CMAS: variants seen among roughly 807,000 people sequenced by gnomAD.
CMAS encodes N-acylneuraminate cytidylyltransferase.
In CMAS, 21 loss-of-function variants were observed where a neutral mutation model predicts 53.4. The observed-to-expected ratio is 0.39, with a 90% CI of 0.28 to 0.57. CMAS has a LOEUF of 0.57. CMAS is among the 20% of genes least tolerant of loss of function. The probability of loss-of-function intolerance (pLI) is 0.56; values close to 1 mark genes in which losing one functional copy is unlikely to be tolerated. For missense variants in CMAS, 384 were observed against 534.9 expected, an observed-to-expected ratio of 0.72 and a Z score of 2.78; for synonymous variants, 189 against 195.2, an observed-to-expected ratio of 0.97 and a Z score of 0.27.
chr12:22,062,259 CCT>C lies in CMAS; in HGVS notation c.961-21_961-20del. 7.3e-7 allele frequency: 1 copy of C among 1,376,204 alleles called. No individual in the cohort carries two copies. Among genetic ancestry groups the C allele is most frequent in the East Asian group, 2.5e-5 (1 of 39,428 alleles). The allele number at this position is 1,376,204 out of a possible 1,614,324, so 85.2% of individuals were successfully genotyped here. On this transcript the variant is annotated intron_variant, in intron 6 of 7. Coordinates refer to ENST00000229329, the MANE Select transcript of CMAS (RefSeq NM_018686.6). ...TTAATTTTTCCCTTCTTCCTCCAAT[CCT>C]TTTTTTTTTTTTTTTTAAGGTGAGG...
chr12:22,061,939 A>G (rs1182101420), intron 6 of CMAS, among the ~76,000 whole-genome samples: 2 of 152,210 alleles, frequency 1.3e-5, no homozygotes, highest in Non-Finnish European at 2.9e-5. Context: ...GAGAGAGGTT[A>G]TAGACTTTCC....
chr12:22,046,615 G>C (rs535362881), intron 1 of CMAS, 52 bp downstream of exon 1: 1 of 1,461,548 alleles, frequency 6.8e-7, no homozygotes, highest in South Asian at 1.4e-5. Context: ...TCGGGAGAGG[G>C]AGTCGGGCTG....
At chr12:22,046,631 G>T in intron 1 of CMAS, 68 bp downstream of exon 1, 1 of 1,420,040 alleles carries the variant, frequency 7.0e-7, no homozygotes, top group Non-Finnish European at 9.2e-7. Flanking sequence ...GGCTGCTGGA[G>T]GGGCTGGGGC....
intron 1 of CMAS, 91 bp downstream of exon 1, chr12:22,046,654 C>A: frequency 7.4e-7 from 1 of 1,352,282 alleles, no homozygotes; most frequent in Non-Finnish European, 9.7e-7. Context: ...CCGGGGCCAC[C>A]GCTCTTGGAA....
intron 1 of CMAS, among the ~76,000 whole-genome samples, chr12:22,049,199 A>G (rs955473229): frequency 3.9e-5 from 6 of 152,186 alleles, no homozygotes; most frequent in Admixed American, 6.5e-5. Flanking sequence ...GGCAAGAGGA[A>G]CATAGTGCTT....
chr12:22,054,076 A>C (rs1474177970), intron 1 of CMAS, among the ~76,000 whole-genome samples: 1 of 151,278 alleles, frequency 6.6e-6, no homozygotes, highest in Non-Finnish European at 1.5e-5. Flanking sequence ...ACAGGTGTGC[A>C]TCACCATGCC....
At position 22,060,868 on chromosome 12, in the gene CMAS, C is replaced by T; in HGVS notation, c.730C>T (p.His244Tyr). 3 of 1,612,100 alleles carry T rather than the reference C, an allele frequency of 1.9e-6. No homozygotes were observed. Among genetic ancestry groups the T allele is most frequent in the Non-Finnish European group, 2.5e-6 (3 of 1,178,506 alleles). The change falls in exon 5 of 8, where the codon CAT (histidine) becomes TAT (tyrosine). Residue 244 changes from histidine (H) to tyrosine (Y), a missense_variant. His to Tyr is a moderately conservative substitution (Grantham distance 83). Transcript: ENST00000229329. ...KMAYYEMRAEHSVDIDVDIDW... is the reference protein window; with the variant it reads ...KMAYYEMRAEYSVDIDVDIDW... ...GGCATACTACGAAATGCGAGCTGAA[C>T]ATAGTGTGGATATAGATGTGGATAT...
chr12:22,047,589 T>C (rs1950214658), intron 1 of CMAS, among the ~76,000 whole-genome samples: 1 of 152,140 alleles, frequency 6.6e-6, no homozygotes, highest in Non-Finnish European at 1.5e-5. Flanking sequence ...ATATACTAAT[T>C]TTCTTAATGT....
At chr12:22,052,164 C>G (rs1462977130) in intron 1 of CMAS, among the ~76,000 whole-genome samples, 1 of 152,160 alleles carries the variant, frequency 6.6e-6, no homozygotes. Flanking sequence ...CTGAAAAGAG[C>G]GTAGTTACTT....
In CMAS at chr12:22,064,774, G is replaced by C. The variant is rs186224654; in HGVS notation, c.1115-347G>C. Among the ~76,000 whole-genome samples the C allele has an allele frequency of 6.1e-3, 932 of 151,998 alleles. 14 individuals carry two copies. Among genetic ancestry groups the C allele is most frequent in the African/African-American group, 0.022 (896 of 41,468 alleles). On this transcript the variant is annotated intron_variant, in intron 7 of 7. Transcript: ENST00000229329. Reference sequence around the variant, plus strand: ...TGATAATTTTTCAATATAAAATTGGGGTTCTCGCATATGTTTGAAATTTTG... The same window carrying C: ...TGATAATTTTTCAATATAAAATTGGCGTTCTCGCATATGTTTGAAATTTTG...
intron 7 of CMAS, among the ~76,000 whole-genome samples, chr12:22,063,195 T>C (rs1950319930): frequency 1.3e-5 from 2 of 152,152 alleles, no homozygotes; most frequent in African/African-American, 4.8e-5. Flanking sequence ...AGATGCATAA[T>C]AACTATAAAT....
chr12:22,058,522 C>G (rs1174801158), intron 3 of CMAS, 45 bp from the exon 4 acceptor site: 2 of 1,548,730 alleles, frequency 1.3e-6, no homozygotes, highest in African/African-American at 1.4e-5. Context: ...TTAACACTTT[C>G]TATATTCAGG....
At chr12:22,052,088 A>G (rs766200210) in intron 1 of CMAS, among the ~76,000 whole-genome samples, 3 of 152,212 alleles carry the variant, frequency 2.0e-5, no homozygotes, top group Non-Finnish European at 4.4e-5. Flanking sequence ...CATTCATTCA[A>G]CAGATCTATA....
In CMAS at chr12:22,065,191, T is replaced by A. The variant is rs1457270498; in HGVS notation, c.1185T>A (p.Ser395=). The A allele has an allele frequency of 1.2e-6, 2 of 1,614,156 alleles. No individual in the cohort carries two copies. Among genetic ancestry groups the A allele is most frequent in the South Asian group, 2.2e-5 (2 of 91,078 alleles). Residue 395 remains serine, a synonymous_variant, in exon 8 of 8, where the codon TCT becomes TCA. Transcript: ENST00000229329. ...GTGGCGCTCCTGCTGATGCCTGTTC[T>A]ACTGCCCAGAAGGCTGTTGGATACA... ...GLSGAPADAC[S]TAQKAVGYIC...
At chr12:22,054,809 A>G (rs1195478615) in intron 1 of CMAS, among the ~76,000 whole-genome samples, 1 of 152,106 alleles carries the variant, frequency 6.6e-6, no homozygotes, top group Non-Finnish European at 1.5e-5. Flanking sequence ...TTCGGTGTAC[A>G]GATTATTTCG....
At chr12:22,063,550 A>G (rs1447680939) in intron 7 of CMAS, among the ~76,000 whole-genome samples, 1 of 152,214 alleles carries the variant, frequency 6.6e-6, no homozygotes, top group African/African-American at 2.4e-5. Flanking sequence ...AATGCTTAAC[A>G]TAGTGCCTAC....
chr12:22,060,668 G>T, intron 4 of CMAS, 164 bp from the exon 5 acceptor site: 1 of 519,348 alleles, frequency 1.9e-6, no homozygotes, highest in Non-Finnish European at 3.4e-6. Context: ...AAATAAAAAA[G>T]TAAAAATAAA....
In CMAS at chr12:22,062,534, T is replaced by C; in HGVS notation, c.1114+100T>C. 4.1e-6 allele frequency: 5 copies of C among 1,211,254 alleles called. No individual in the cohort carries two copies. In the South Asian group the frequency reaches 6.6e-5, roughly 16 times the overall value. 75.0% of individuals were successfully genotyped at this position (1,211,254 alleles called of 1,614,324 possible). On this transcript the variant is annotated intron_variant, in intron 7 of 7. Coordinates refer to ENST00000229329, the MANE Select transcript of CMAS (RefSeq NM_018686.6). ...AAGCACATCCTCCAAATGGGTATGA[T>C]TGTAGGGAAATAGGAACTCTTTTAA...
At chr12:22,054,390 G>C (rs1160243221) in intron 1 of CMAS, among the ~76,000 whole-genome samples, 1 of 99,604 alleles carries the variant, frequency 1.0e-5, no homozygotes, top group Non-Finnish European at 2.3e-5. Flanking sequence ...TGTAACCTGC[G>C]GTTAATAGAG....
Sources: allele counts gnomAD v4.1 joint callset (sites outside exome capture counted in the v4.1 genomes callset), GRCh38; gene constraint gnomAD v4.1.1; transcripts MANE v1.5; gene names NCBI Gene and HGNC (gene_info 2026-07-23, HGNC 2026-07-21).